The following CYBA variants were observed in gnomAD, a reference collection of about 807,000 sequenced individuals.
CYBA encodes cytochrome b-245 alpha chain.
Under a neutral mutation model 20.8 loss-of-function variants are expected in CYBA, and 21 were observed. That is an observed-to-expected ratio of 1.01 (90% CI 0.72 to 1.46). CYBA has a LOEUF of 1.46. Ranked by LOEUF, CYBA falls within the 40% of genes most tolerant of loss-of-function variation. CYBA has a pLI of 0.00. For synonymous variants in CYBA, 164 were observed against 127.5 expected, an observed-to-expected ratio of 1.29 and a Z score of -1.93; for missense variants, 344 against 287.0, an observed-to-expected ratio of 1.20 and a Z score of -1.43.
chr16:88,647,201 C>T, intron 2 of CYBA, 26 bp from the exon 3 acceptor site: 1 of 1,607,730 alleles, frequency 6.2e-7, no homozygotes, highest in East Asian at 2.2e-5. Context: ...TAAGGAACAG[C>T]CCAGCTCAGC....
chr16:88,647,939 C>G, intron 2 of CYBA, 106 bp downstream of exon 2: 1 of 1,134,914 alleles, frequency 8.8e-7, no homozygotes. Context: ...TGTGTCCCAG[C>G]CTGGCTGCGG....
At chr16:88,647,639 C>T (rs1907338115) in intron 2 of CYBA, 1 of 376,126 alleles carries the variant, frequency 2.7e-6, no homozygotes, top group Admixed American at 3.8e-5. Flanking sequence ...CCCTCCCTCC[C>T]ACCACCCTGC....
Position 88,646,840 on chromosome 16 carries a change from T to TG in CYBA, c.204-3dup. 3 of 1,611,874 alleles carry TG rather than the reference T, an allele frequency of 1.9e-6. No individual in the cohort carries two copies. The highest frequency in any genetic ancestry group is 2.5e-6 in the Non-Finnish European group (3 of 1,178,332). ...ACGGCGGTCATGTACTTCTGTCCCCTGGGGGAGGGAGGAAGGCGAGACGGC... is the reference window on the plus strand; with the variant it reads ...ACGGCGGTCATGTACTTCTGTCCCCTGGGGGGAGGGAGGAAGGCGAGACGGC... On this transcript the variant is annotated splice_region_variant and splice_polypyrimidine_tract_variant and intron_variant, in intron 3 of 5. Transcript: ENST00000261623.
chr16:88,646,928 G>A (rs1907309368), intron 3 of CYBA, 90 bp from the exon 4 acceptor site: 2 of 1,256,804 alleles, frequency 1.6e-6, no homozygotes, highest in South Asian at 1.2e-5. Flanking sequence ...AGGGCACCCA[G>A]GCCTCTTTCC....
intron 3 of CYBA, 31 bp downstream of exon 3, chr16:88,647,070 C>T (rs755503223): frequency 2.5e-6 from 4 of 1,595,818 alleles, no homozygotes; most frequent in Admixed American, 3.4e-5. Flanking sequence ...CCGCAGCCCC[C>T]GGAGAGACCC....
intron 4 of CYBA, chr16:88,646,447 A>G: frequency 1.7e-6 from 1 of 604,328 alleles, no homozygotes; most frequent in Non-Finnish European, 3.0e-6. Flanking sequence ...GGCAGTAACC[A>G]GCAGACACAC....
chr16:88,649,406 G>A (rs1039004999), intron 1 of CYBA, among the ~76,000 whole-genome samples: 3 of 152,214 alleles, frequency 2.0e-5, no homozygotes, highest in African/African-American at 4.8e-5. Flanking sequence ...GACCGTCCTG[G>A]TCCCGAGCCT....
At chr16:88,650,824 TG>T in intron 1 of CYBA, 131 bp downstream of exon 1, 1 of 970,972 alleles carries the variant, frequency 1.0e-6, no homozygotes, top group Non-Finnish European at 1.6e-6. Flanking sequence ...CGCACCCTCC[TG>T]GCCTGACCCC....
chr16:88,646,824 A>G lies in CYBA; in HGVS notation c.218T>C (p.Met73Thr), dbSNP rs2142875480. Residue 73 changes from methionine to threonine, a missense_variant, in exon 4 of 6, where the codon ATG becomes ACG. Transcript: ENST00000261623. ...STMERWGQKY[M>T]TAVVKLFGPF... ...CCCGAACAGCTTCACCACGGCGGTC[A>G]TGTACTTCTGTCCCCTGGGGGAGGG... The G allele has an allele frequency of 1.2e-6, 2 of 1,613,832 alleles. No individual in the cohort carries two copies. The highest frequency in any genetic ancestry group is 1.7e-6 in the Non-Finnish European group (2 of 1,179,880).
intron 1 of CYBA, 153 bp downstream of exon 1, chr16:88,650,802 GC>G: frequency 5.2e-6 from 4 of 775,700 alleles, no homozygotes; most frequent in African/African-American, 1.7e-5. Flanking sequence ...TGAGGGTCCC[GC>G]CCCCGTTCCC....
chr16:88,647,297 T>A, intron 2 of CYBA, 122 bp from the exon 3 acceptor site: 3 of 938,910 alleles, frequency 3.2e-6, no homozygotes, highest in Admixed American at 4.0e-5. Flanking sequence ...ATCCCAGCAT[T>A]TTGGGAGGCT....
At position 88,643,569 on chromosome 16, in the gene CYBA, C is replaced by T. The variant is rs779447060; in HGVS notation, c.372G>A (p.Ala124=). The T allele has an allele frequency of 1.4e-5, 21 of 1,532,700 alleles. No individual in the cohort carries two copies. In the South Asian group the frequency reaches 1.4e-4, roughly 10 times the overall value. 94.9% of individuals were successfully genotyped at this position (1,532,700 alleles called of 1,614,324 possible). A position where few individuals can be genotyped will look rare whatever the true frequency, so the allele number is the denominator to read the frequency against. Residue 124 remains alanine (A), a splice_region_variant and synonymous_variant, in exon 6 of 6, where the codon GCG becomes GCA. Coordinates refer to ENST00000261623, the MANE Select transcript of CYBA (RefSeq NM_000101.4). This position sits in a 1 kb window ranked among gnomAD's most constrained non-coding sequence, Gnocchi z 4.3. ...LAIASGIYLL[A]AVRGEQWTPI... ...GCGTCCACTGCTCGCCACGCACAGCCGCCTGCGGGGCACTGAAGGGTTGAG... is the reference window on the plus strand; with the variant it reads ...GCGTCCACTGCTCGCCACGCACAGCTGCCTGCGGGGCACTGAAGGGTTGAG...
intron 5 of CYBA, chr16:88,645,182 G>C (rs1234243243): frequency 1.4e-6 from 1 of 702,328 alleles, no homozygotes; most frequent in Non-Finnish European, 2.6e-6. Context: ...GTGCGTGGCA[G>C]CAGGGAGACG....
At position 88,645,903 on chromosome 16, in the gene CYBA, C is replaced by G. The variant is rs995197039; in HGVS notation, c.369+213G>C. The G allele has an allele frequency of 4.4e-5, 26 of 594,046 alleles. No homozygotes were observed. In the East Asian group the frequency reaches 6.7e-4, roughly 15 times the overall value. The allele number at this position is 594,046 out of a possible 1,614,324, so 36.8% of individuals were successfully genotyped here. ...TGTGGTGCGGGTTAATGAGGAAATG[C>G]AAGGAAATGACCCGACACACTAGAC... On this transcript the variant is annotated intron_variant, in intron 5 of 5. Transcript: ENST00000261623.
In CYBA at chr16:88,648,127, G is replaced by A; in HGVS notation, c.59-13C>T. On this transcript the variant is annotated splice_polypyrimidine_tract_variant and intron_variant, in intron 1 of 5. Coordinates refer to ENST00000261623, the MANE Select transcript of CYBA (RefSeq NM_000101.4). Reference sequence around the variant, plus strand: ...CCGGTGATGAGGACTGCGGGGAGAAGTGGGTCAGGCACTGTGGGGCTCCCG... The same window carrying A: ...CCGGTGATGAGGACTGCGGGGAGAAATGGGTCAGGCACTGTGGGGCTCCCG... 6.2e-7 allele frequency: 1 copy of A among 1,608,480 alleles called. No individual in the cohort carries two copies. The highest frequency in any genetic ancestry group is 8.5e-7 in the Non-Finnish European group (1 of 1,178,536).
intron 1 of CYBA, among the ~76,000 whole-genome samples, chr16:88,649,217 GT>G (rs1227645240): frequency 1.3e-5 from 2 of 152,232 alleles, no homozygotes; most frequent in Non-Finnish European, 1.5e-5. Context: ...GATTACAGGT[GT>G]AGCCACCTTG....
At position 88,643,591 on chromosome 16, in the gene CYBA, T is replaced by C. The variant is rs1907167355; in HGVS notation, c.370-20A>G. The C allele has an allele frequency of 6.5e-7, 1 of 1,530,122 alleles. No homozygotes were observed. The highest frequency in any genetic ancestry group is 1.2e-5 in the South Asian group (1 of 83,846). The allele number at this position is 1,530,122 out of a possible 1,614,324, so 94.8% of individuals were successfully genotyped here. On this transcript the variant is annotated intron_variant, in intron 5 of 5. Coordinates refer to ENST00000261623, the MANE Select transcript of CYBA (RefSeq NM_000101.4). This position sits in a 1 kb window ranked among gnomAD's most constrained non-coding sequence, Gnocchi z 4.3. ...AGCCGCCTGCGGGGCACTGAAGGGT[T>C]GAGCCGCGCCCCAGCGCCCGCCCTC...
chr16:88,646,291 G>A (rs1424500954), intron 4 of CYBA, 94 bp from the exon 5 acceptor site: 3 of 351,334 alleles, frequency 8.5e-6, no homozygotes, highest in Non-Finnish European at 1.2e-5. Flanking sequence ...CAAAGTCTCA[G>A]GACAAGGCAG....
rs1346011162 is a variant in CYBA, at chr16:88,647,193, AG to A, written c.129-19del. 1 of 1,610,776 alleles carries A rather than the reference AG, an allele frequency of 6.2e-7. No individual in the cohort carries two copies. The highest frequency in any genetic ancestry group is 1.1e-5 in the South Asian group (1 of 91,038). ...CCGCCACACTGAAGCCATGTGGTTA[AG>A]GAACAGCCCAGCTCAGCCTGAGGGG... is the stretch of plus-strand genomic sequence containing the variant. On this transcript the variant is annotated intron_variant, in intron 2 of 5. Transcript: ENST00000261623.
Sources: allele counts gnomAD v4.1 joint callset (sites outside exome capture counted in the v4.1 genomes callset), GRCh38; gene constraint gnomAD v4.1.1; non-coding constraint Gnocchi (gnomAD v3.1); transcripts MANE v1.5; gene names NCBI Gene and HGNC (gene_info 2026-07-23, HGNC 2026-07-21).